The following ISX variants were observed in gnomAD, a reference collection of about 807,000 sequenced individuals.
The protein encoded by ISX is intestine-specific homeobox.
Under a neutral mutation model 16.9 loss-of-function variants are expected in ISX, and 15 were observed. The ratio of observed to expected loss-of-function variants is 0.89; its 90% CI spans 0.59 to 1.36. ISX has a LOEUF of 1.36. ISX is among the 40% of genes most tolerant of loss of function. The pLI is 0.00. For synonymous variants in ISX, 125 were observed against 119.7 expected (o/e 1.04, Z -0.29); for missense variants, 316 against 306.1 (o/e 1.03, Z -0.24).
rs1390891218 is a variant in ISX, at chr22:35,085,693, G to A, written c.738G>A (p.Ter246=). The A allele has an allele frequency of 6.2e-7, 1 of 1,614,208 alleles. No individual in the cohort carries two copies. The highest frequency in any genetic ancestry group is 1.3e-5 in the African/African-American group (1 of 75,058). Residue 246 remains the stop codon, a stop_retained_variant, in exon 5 of 5, where the codon TAG becomes TAA. Coordinates refer to ENST00000404699, the MANE Select transcript of ISX (RefSeq NM_001303508.2). Reference sequence around the variant, plus strand: ...GCAGCATCTGTGCTACTTCAACATAGAGATTGGACATGCTCTCCCCAAATG... The same window carrying A: ...GCAGCATCTGTGCTACTTCAACATAAAGATTGGACATGCTCTCCCCAAATG... ...KWGSICATST[*]
chr22:35,066,640 A>G, intron 1 of ISX, 112 bp from the exon 2 acceptor site: 1 of 163,744 alleles, frequency 6.1e-6, no homozygotes, highest in South Asian at 1.7e-4. Flanking sequence ...AGCCAGAGAA[A>G]GGGCAAAGGT....
In ISX at chr22:35,085,515, C is replaced by T. The variant is rs200292559; in HGVS notation, c.560C>T (p.Ser187Leu). 2.4e-5 allele frequency: 39 copies of T among 1,614,068 alleles called. No homozygotes were observed. The highest frequency in any genetic ancestry group is 8.0e-5 in the African/African-American group (6 of 74,934). ...RLAPPTSCCPSAQDQLASAWF... is the reference protein window; with the variant it reads ...RLAPPTSCCPLAQDQLASAWF... ...GCTCCTCCCACGAGCTGTTGTCCAT[C>T]GGCTCAAGATCAGCTGGCCTCTGCC... Residue 187 changes from serine (S) to leucine (L), a missense_variant, in exon 5 of 5, where the codon TCG (serine) becomes TTG (leucine). Ser to Leu is a moderately radical substitution (Grantham distance 145). Coordinates refer to ENST00000404699, the MANE Select transcript of ISX (RefSeq NM_001303508.2).
In ISX at chr22:35,085,574, C is replaced by T. The variant is rs780027391; in HGVS notation, c.619C>T (p.His207Tyr). The change falls in exon 5 of 5, where the codon CAC (histidine) becomes TAC (tyrosine). Residue 207 changes from histidine (H) to tyrosine (Y), a missense_variant. By Grantham distance (83) the His-to-Tyr change is moderately conservative. Coordinates refer to ENST00000404699, the MANE Select transcript of ISX (RefSeq NM_001303508.2). ...FPAWITLLPA[H>Y]PWETQPVPGL... ...TGCCTGGATCACCCTCCTCCCAGCGCACCCATGGGAAACACAGCCTGTCCC... is the reference window on the plus strand; with the variant it reads ...TGCCTGGATCACCCTCCTCCCAGCGTACCCATGGGAAACACAGCCTGTCCC... The T allele has an allele frequency of 1.2e-6, 2 of 1,614,248 alleles. No homozygotes were observed. Among genetic ancestry groups the T allele is most frequent in the Admixed American group, 1.7e-5 (1 of 60,034 alleles).
chr22:35,081,732 T>C (rs983380909), intron 2 of ISX, among the ~76,000 whole-genome samples: 1 of 152,230 alleles, frequency 6.6e-6, no homozygotes, highest in Non-Finnish European at 1.5e-5. Flanking sequence ...CCCAGGTCCC[T>C]GCGAGACCTA....
At chr22:35,070,562 C>A (rs1308982839) in intron 2 of ISX, among the ~76,000 whole-genome samples, 1 of 152,218 alleles carries the variant, frequency 6.6e-6, no homozygotes, top group Non-Finnish European at 1.5e-5. Flanking sequence ...ACTGCCTGGC[C>A]TGTGGGGAAC....
chr22:35,085,892 C>A lies in ISX; in HGVS notation c.*199C>A. On this transcript the variant is annotated 3_prime_UTR_variant, in exon 5 of 5. Transcript: ENST00000404699. Reference sequence around the variant, plus strand: ...AAACAATAAAGGACAGCTCTCTTCTCTCCTGGCTAAAGCTGCTCTCCTGGT... The same window carrying A: ...AAACAATAAAGGACAGCTCTCTTCTATCCTGGCTAAAGCTGCTCTCCTGGT... The A allele has an allele frequency of 3.2e-6, 2 of 631,622 alleles. No homozygotes were observed. The highest frequency in any genetic ancestry group is 2.7e-6 in the Non-Finnish European group (1 of 365,496). The allele number at this position is 631,622 out of a possible 1,614,324, so 39.1% of individuals were successfully genotyped here. A position where few individuals can be genotyped will look rare whatever the true frequency, so the allele number is the denominator to read the frequency against.
chr22:35,074,031 G>A (rs2146289699), intron 2 of ISX, among the ~76,000 whole-genome samples: 1 of 152,320 alleles, frequency 6.6e-6, no homozygotes, highest in East Asian at 1.9e-4. Context: ...CAGGTGAAGG[G>A]CAGAATGATA....
rs1026606624 is a variant in ISX at position 35,085,949 on chromosome 22, G to A, written c.*256G>A. The A allele has an allele frequency of 1.1e-5, 6 of 536,738 alleles. No individual in the cohort carries two copies. The highest frequency in any genetic ancestry group is 3.3e-5 in the East Asian group (1 of 30,212). 33.2% of individuals were successfully genotyped at this position (536,738 alleles called of 1,614,324 possible). Reference sequence around the variant, plus strand: ...GACAGGCTGGATGAGATCTCAGGCCGAGCTCTGAAATAGGGAGGTAATCCT... The same window carrying A: ...GACAGGCTGGATGAGATCTCAGGCCAAGCTCTGAAATAGGGAGGTAATCCT... On this transcript the variant is annotated 3_prime_UTR_variant, in exon 5 of 5. Coordinates refer to ENST00000404699, the MANE Select transcript of ISX (RefSeq NM_001303508.2).
chr22:35,067,347 T>C (rs1355041686), intron 2 of ISX, 31 bp downstream of exon 2: 1 of 1,480,806 alleles, frequency 6.8e-7, no homozygotes, highest in Admixed American at 2.0e-5. Context: ...TCTTTCTGTT[T>C]CCTGGTCTCC....
chr22:35,077,611 A>T (rs1164111281), intron 2 of ISX, among the ~76,000 whole-genome samples: 1 of 40,884 alleles, frequency 2.4e-5, no homozygotes, highest in East Asian at 2.8e-4. Flanking sequence ...CAAGCACAAC[A>T]TCATCATCAT....
chr22:35,082,415 G>A (rs551450019), intron 2 of ISX, 103 bp from the exon 3 acceptor site: 247 of 1,130,658 alleles, frequency 2.2e-4, no homozygotes, highest in Non-Finnish European at 2.9e-4. Context: ...GCCAAGGCTC[G>A]GGAGCAGCAG....
At position 35,075,588 on chromosome 22, in the gene ISX, TAAAA is replaced by T. The variant is rs1242526746; in HGVS notation, c.230-6926_230-6923del. Reference sequence around the variant, plus strand: ...AACAAAGGGTACAGTTGCTTTAAAATAAAAAAAGGAAGAAACAAAAATTTTTTTA... The same window carrying T: ...AACAAAGGGTACAGTTGCTTTAAAATAAAGGAAGAAACAAAAATTTTTTTA... On this transcript the variant is annotated intron_variant, in intron 2 of 4. Transcript: ENST00000404699. 2.0e-5 allele frequency among the ~76,000 whole-genome samples: 3 copies of T among 152,126 alleles called. No individual in the cohort carries two copies. In the East Asian group the frequency reaches 5.8e-4, roughly 29 times the overall value.
chr22:35,085,583 G>A lies in ISX; in HGVS notation c.628G>A (p.Glu210Lys). 6.2e-7 allele frequency: 1 copy of A among 1,614,198 alleles called. No individual in the cohort carries two copies. Among genetic ancestry groups the A allele is most frequent in the Non-Finnish European group, 8.5e-7 (1 of 1,180,054 alleles). ...WITLLPAHPW[E>K]TQPVPGLPIH... Reference sequence around the variant, plus strand: ...CACCCTCCTCCCAGCGCACCCATGGGAAACACAGCCTGTCCCAGGTCTTCC... The same window carrying A: ...CACCCTCCTCCCAGCGCACCCATGGAAAACACAGCCTGTCCCAGGTCTTCC... The change falls in exon 5 of 5, where the codon GAA becomes AAA. Residue 210 changes from glutamate (E) to lysine (K), a missense_variant. Transcript: ENST00000404699.
chr22:35,085,803 C>A lies in ISX; in HGVS notation c.*110C>A, dbSNP rs553212559. ...TCGATTTCACAATCCAAAAATGGCC[C>A]ACAGCCCAGGAAGCTACCCTGAACA... On this transcript the variant is annotated 3_prime_UTR_variant, in exon 5 of 5. Coordinates refer to ENST00000404699, the MANE Select transcript of ISX (RefSeq NM_001303508.2). 1 of 1,429,340 alleles carries A rather than the reference C, an allele frequency of 7.0e-7. No individual in the cohort carries two copies. Among genetic ancestry groups the A allele is most frequent in the Non-Finnish European group, 9.7e-7 (1 of 1,030,998 alleles). The allele number at this position is 1,429,340 out of a possible 1,614,324, so 88.5% of individuals were successfully genotyped here.
chr22:35,068,408 T>C (rs1014433477), intron 2 of ISX, among the ~76,000 whole-genome samples: 1 of 152,196 alleles, frequency 6.6e-6, no homozygotes, highest in Non-Finnish European at 1.5e-5. Flanking sequence ...CCAGGAGGGC[T>C]GTGTGTCTGC....
rs1361863533 is a variant in ISX, at chr22:35,085,928, G to A, written c.*235G>A. On this transcript the variant is annotated 3_prime_UTR_variant, in exon 5 of 5. Coordinates refer to ENST00000404699, the MANE Select transcript of ISX (RefSeq NM_001303508.2). ...AGCTGCTCTCCTGGTTCAGAAGACA[G>A]GCTGGATGAGATCTCAGGCCGAGCT... The A allele has an allele frequency of 8.8e-6, 5 of 569,526 alleles. No homozygotes were observed. In the Admixed American group the frequency reaches 1.5e-4, roughly 17 times the overall value. 35.3% of individuals were successfully genotyped at this position (569,526 alleles called of 1,614,324 possible).
intron 4 of ISX, 103 bp downstream of exon 4, chr22:35,084,602 G>A (rs1929203588): frequency 1.5e-6 from 1 of 684,468 alleles, no homozygotes; most frequent in African/African-American, 1.8e-5. Flanking sequence ...CTGTCTACAG[G>A]AAAAAGTGCA....
intron 2 of ISX, among the ~76,000 whole-genome samples, chr22:35,068,108 G>A (rs759369252): frequency 1.3e-5 from 2 of 152,218 alleles, no homozygotes; most frequent in Non-Finnish European, 2.9e-5. Context: ...GCAGCCTCAG[G>A]TTTATTCTCA....
At chr22:35,071,100 A>G (rs695831) in intron 2 of ISX, among the ~76,000 whole-genome samples, 113,545 of 152,008 alleles carry the variant, frequency 0.75, 43,398 homozygotes, top group African/African-American at 0.91. Flanking sequence ...GGCCCTGTTC[A>G]TCCCAGGCTC....
Sources: allele counts gnomAD v4.1 joint callset (sites outside exome capture counted in the v4.1 genomes callset), GRCh38; gene constraint gnomAD v4.1.1; transcripts MANE v1.5; gene names NCBI Gene and HGNC (gene_info 2026-07-23, HGNC 2026-07-21).